Variants in SIPA1L1 observed in about 807,000 individuals in gnomAD.
The protein encoded by SIPA1L1 is signal-induced proliferation-associated 1-like protein 1.
Under a neutral mutation model 162.7 loss-of-function variants are expected in SIPA1L1, and 26 were observed. That is an observed-to-expected ratio of 0.16 (90% CI 0.12 to 0.22). SIPA1L1 has a LOEUF of 0.22. Among genes scored for constraint, SIPA1L1 ranks in the 10% least tolerant of loss-of-function variants. The pLI is 1.00. For missense variants in SIPA1L1, 1,874 were observed against 2,241.0 expected (o/e 0.84, Z 3.31); for synonymous variants, 829 against 837.4 (o/e 0.99, Z 0.17).
At chr14:71,641,807 T>G (rs2041745603) in intron 7 of SIPA1L1, among the ~76,000 whole-genome samples, 2 of 152,140 alleles carry the variant, frequency 1.3e-5, no homozygotes, top group Admixed American at 1.3e-4. Flanking sequence ...ACACCAAAAA[T>G]TTTCTTTAAA....
At chr14:71,422,444 C>T (rs569424447) in intron 2 of SIPA1L1, among the ~76,000 whole-genome samples, 1 of 152,294 alleles carries the variant, frequency 6.6e-6, no homozygotes, top group South Asian at 2.1e-4. Flanking sequence ...TTCAGTAAAA[C>T]TGAAATTCTG....
At chr14:71,451,644 A>G (rs922743403) in intron 2 of SIPA1L1, among the ~76,000 whole-genome samples, 8 of 151,656 alleles carry the variant, frequency 5.3e-5, no homozygotes, top group Non-Finnish European at 1.0e-4. Flanking sequence ...AAAAAAAAAA[A>G]AAAAAAAAGA....
At chr14:71,536,565 G>C (rs771075079) in intron 4 of SIPA1L1, among the ~76,000 whole-genome samples, 2 of 152,160 alleles carry the variant, frequency 1.3e-5, no homozygotes, top group Non-Finnish European at 2.9e-5. Flanking sequence ...TTTTAGCCTG[G>C]AATTCTTTTG....
At chr14:71,528,417 G>A (rs2053104848) in intron 3 of SIPA1L1, among the ~76,000 whole-genome samples, 1 of 152,122 alleles carries the variant, frequency 6.6e-6, no homozygotes, top group African/African-American at 2.4e-5. Flanking sequence ...CACTTTGGGA[G>A]GCCGAGGCAG....
intron 2 of SIPA1L1, among the ~76,000 whole-genome samples, chr14:71,459,519 C>T (rs571490596): frequency 1.3e-5 from 2 of 152,188 alleles, no homozygotes; most frequent in South Asian, 4.2e-4. Context: ...CACAAGGTCC[C>T]ACAATAGTCT....
Position 71,330,226 on chromosome 14 carries a change from C to T in SIPA1L1, c.-465+9045C>T, listed in dbSNP as rs935098275. 19 of 635,788 alleles carry T rather than the reference C, an allele frequency of 3.0e-5. No individual in the cohort carries two copies. In the African/African-American group the frequency reaches 3.1e-4, roughly 10 times the overall value. The allele number at this position is 635,788 out of a possible 1,614,324, so 39.4% of individuals were successfully genotyped here. A position where few individuals can be genotyped will look rare whatever the true frequency, so the allele number is the denominator to read the frequency against. ...TGAAGTTGGTTAGCTGTCTCCCCAT[C>T]CTCCCAACTCCACTATTCCAGGGAG... is the stretch of plus-strand genomic sequence containing the variant. On this transcript the variant is annotated intron_variant, in intron 2 of 23. Coordinates refer to ENST00000381232, the MANE Select transcript of SIPA1L1 (RefSeq NM_001386936.1).
At chr14:71,643,465 A>C (rs1313308380) in intron 7 of SIPA1L1, among the ~76,000 whole-genome samples, 1 of 152,220 alleles carries the variant, frequency 6.6e-6, no homozygotes, top group Admixed American at 6.5e-5. Context: ...ATCAAAACAA[A>C]TTTTAAAATG....
chr14:71,540,847 C>T (rs550286165), intron 4 of SIPA1L1, among the ~76,000 whole-genome samples: 1 of 152,180 alleles, frequency 6.6e-6, no homozygotes, highest in Admixed American at 6.5e-5. Flanking sequence ...TTCATGCTGG[C>T]TGGGCAGGGT....
At chr14:71,699,179 T>G in intron 14 of SIPA1L1, 52 bp downstream of exon 14, 1 of 1,535,942 alleles carries the variant, frequency 6.5e-7, no homozygotes, top group Non-Finnish European at 9.0e-7. Flanking sequence ...ATCATTTCTT[T>G]CATCTGTACT....
At chr14:71,632,312 G>T (rs913472815) in intron 7 of SIPA1L1, among the ~76,000 whole-genome samples, 1 of 152,108 alleles carries the variant, frequency 6.6e-6, no homozygotes, top group Non-Finnish European at 1.5e-5. Context: ...GAAGAAGTCA[G>T]CAAACTGGAA....
At chr14:71,694,091 T>A (rs1196380154) in intron 13 of SIPA1L1, among the ~76,000 whole-genome samples, 1 of 152,220 alleles carries the variant, frequency 6.6e-6, no homozygotes, top group Non-Finnish European at 1.5e-5. Context: ...CATAAGTTGA[T>A]AAGTTGTAAT....
At chr14:71,706,967 A>G (rs1196704045) in intron 16 of SIPA1L1, among the ~76,000 whole-genome samples, 1 of 151,002 alleles carries the variant, frequency 6.6e-6, no homozygotes, top group East Asian at 2.0e-4. Flanking sequence ...CCCGGGAGGC[A>G]GAGGTTGCAG....
At chr14:71,365,149 G>C (rs1350162048) in intron 2 of SIPA1L1, among the ~76,000 whole-genome samples, 1 of 151,814 alleles carries the variant, frequency 6.6e-6, no homozygotes, top group Admixed American at 6.6e-5. Flanking sequence ...ATCTCAGCCT[G>C]CTGAGTAGCT....
intron 2 of SIPA1L1, among the ~76,000 whole-genome samples, chr14:71,385,199 C>G (rs2040218989): frequency 6.6e-6 from 1 of 152,206 alleles, no homozygotes; most frequent in Non-Finnish European, 1.5e-5. Flanking sequence ...GTCGTGCTCT[C>G]AGAAGTGCCC....
At chr14:71,392,973 C>T (rs886626133) in intron 2 of SIPA1L1, among the ~76,000 whole-genome samples, 6 of 152,224 alleles carry the variant, frequency 3.9e-5, no homozygotes, top group East Asian at 1.9e-4. Context: ...GTATAATTCT[C>T]ACTTGCCTTA....
At chr14:71,332,961 A>AAATAC (rs2034720979) in intron 2 of SIPA1L1, among the ~76,000 whole-genome samples, 2 of 152,206 alleles carry the variant, frequency 1.3e-5, no homozygotes, top group Non-Finnish European at 2.9e-5. Context: ...AATTTAGAGT[A>AAATAC]TTTGTTTTTA....
chr14:71,731,848 C>A (rs547790411), intron 20 of SIPA1L1, among the ~76,000 whole-genome samples: 26 of 152,340 alleles, frequency 1.7e-4, no homozygotes, highest in African/African-American at 6.0e-4. Flanking sequence ...AATAAGATAG[C>A]AGCTGCAGTG....
intron 4 of SIPA1L1, among the ~76,000 whole-genome samples, chr14:71,557,174 T>C (rs1178343784): frequency 6.6e-6 from 1 of 152,242 alleles, no homozygotes; most frequent in African/African-American, 2.4e-5. Context: ...CACAAATCTT[T>C]GCATATATTC....
chr14:71,363,800 A>G (rs1433042695), intron 2 of SIPA1L1, among the ~76,000 whole-genome samples: 1 of 152,216 alleles, frequency 6.6e-6, no homozygotes, highest in African/African-American at 2.4e-5. Flanking sequence ...GTGTCAGCCC[A>G]GAAACAGGCT....
Sources: gnomAD v4.1 joint callset for allele counts (sites outside exome capture counted in the v4.1 genomes callset) on GRCh38, gnomAD v4.1.1 for gene constraint, MANE v1.5 for transcripts, NCBI Gene and HGNC (gene_info 2026-07-23, HGNC 2026-07-21) for gene names.